Variants in UVSSA observed in about 807,000 individuals in gnomAD.
The protein encoded by UVSSA is UV stimulated scaffold protein A.
In UVSSA, 72 loss-of-function variants were observed where a neutral mutation model predicts 73.9. That is an observed-to-expected ratio of 0.97 (90% CI 0.81 to 1.19). UVSSA has a LOEUF of 1.19. Among genes scored for constraint, UVSSA ranks in the 50% most tolerant of loss-of-function variants. The probability of loss-of-function intolerance (pLI) is 0.00; values close to 1 mark genes in which losing one functional copy is unlikely to be tolerated. For synonymous variants in UVSSA, 454 were observed against 391.3 expected, an observed-to-expected ratio of 1.16 and a Z score of -1.89; for missense variants, 1,150 against 965.0, an observed-to-expected ratio of 1.19 and a Z score of -2.54.
intron 12 of UVSSA, among the ~76,000 whole-genome samples, chr4:1,381,828 G>A (rs560144933): frequency 1.4e-4 from 21 of 152,016 alleles, no homozygotes; most frequent in African/African-American, 4.8e-4. Flanking sequence ...CACCATGCCC[G>A]ACTAATTTTT....
At chr4:1,372,054 C>G (rs1398606505) in intron 8 of UVSSA, among the ~76,000 whole-genome samples, 1 of 152,214 alleles carries the variant, frequency 6.6e-6, no homozygotes, top group African/African-American at 2.4e-5. Flanking sequence ...ATTACACCTT[C>G]AAGCATTCCT....
chr4:1,374,603 G>T (rs1718524762), intron 8 of UVSSA, among the ~76,000 whole-genome samples: 1 of 152,344 alleles, frequency 6.6e-6, no homozygotes, highest in African/African-American at 2.4e-5. Context: ...CCATGGCCTT[G>T]TCTTGCTGGC....
At chr4:1,349,945 C>A (rs1330319085) in intron 3 of UVSSA, 91 bp downstream of exon 3, 4 of 1,224,348 alleles carry the variant, frequency 3.3e-6, no homozygotes, top group Non-Finnish European at 4.4e-6. Context: ...TCCTGTTGAA[C>A]CTAGCACAGC....
exon 14 of UVSSA, chr4:1,394,848 G>GCCCGCCTGCTCACACGTGCCGATGCA (rs1414757120): frequency 2.5e-6 from 4 of 1,596,532 alleles, no homozygotes; most frequent in South Asian, 1.1e-5. Flanking sequence ...GTGCCCATGT[G>GCCCGCCTGCTCACACGTGCCGATGCA]GAGTGCCCGC....
At chr4:1,373,562 G>A (rs912117785) in intron 8 of UVSSA, among the ~76,000 whole-genome samples, 4 of 152,142 alleles carry the variant, frequency 2.6e-5, no homozygotes, top group African/African-American at 9.7e-5. Context: ...ACCGTCTCGG[G>A]CCATGGTGTT....
chr4:1,367,074 A>T (rs1577337939), intron 8 of UVSSA, among the ~76,000 whole-genome samples: 1 of 152,290 alleles, frequency 6.6e-6, no homozygotes, highest in Admixed American at 6.5e-5. Context: ...ACCGCTGGTG[A>T]TGCCACAGCC....
In UVSSA at chr4:1,373,644, A is replaced by G. The variant is rs757222176; in HGVS notation, c.1289-1720A>G. Reference sequence around the variant, plus strand: ...CCTCTGACTCTCAGTGAGCCTTCCAATTCCAGGAAAATGTGGCTCATTGTT... The same window carrying G: ...CCTCTGACTCTCAGTGAGCCTTCCAGTTCCAGGAAAATGTGGCTCATTGTT... On this transcript the variant is annotated intron_variant, in intron 8 of 13. Transcript: ENST00000389851. Among the ~76,000 whole-genome samples the G allele has an allele frequency of 7.2e-5, 11 of 152,036 alleles. No individual in the cohort carries two copies. In the South Asian group the frequency reaches 8.3e-4, roughly 11 times the overall value.
At chr4:1,366,186 C>A in intron 7 of UVSSA, 134 bp from the exon 8 acceptor site, 3 of 700,556 alleles carry the variant, frequency 4.3e-6, no homozygotes, top group South Asian at 3.6e-5. Context: ...GCAGTCCAAC[C>A]GTGGCTGATG....
chr4:1,388,607 T>C (rs1411849172), downstream of UVSSA: 1 of 152,232 alleles, frequency 6.6e-6, no homozygotes. Flanking sequence ...TTTGTGTAGA[T>C]GCTTCTATCA....
At chr4:1,371,399 T>A (rs1718021417) in intron 8 of UVSSA, among the ~76,000 whole-genome samples, 1 of 152,108 alleles carries the variant, frequency 6.6e-6, no homozygotes, top group African/African-American at 2.4e-5. Flanking sequence ...CGGTGCTGAT[T>A]CTTGGGAGGT....
intron 3 of UVSSA, among the ~76,000 whole-genome samples, chr4:1,351,409 A>G (rs1577284273): frequency 1.6e-5 from 2 of 128,258 alleles, no homozygotes; most frequent in South Asian, 2.5e-4. Context: ...TCTTTGAGAC[A>G]GAGTCTCGCT....
exon 14 of UVSSA, chr4:1,394,665 A>C (rs1382036342): frequency 6.3e-7 from 1 of 1,580,648 alleles, no homozygotes; most frequent in Non-Finnish European, 8.6e-7. Flanking sequence ...GCCCATGTGG[A>C]GTGCCCGCCT....
chr4:1,347,963 A>G, intron 1 of UVSSA, 127 bp from the exon 2 acceptor site: 3 of 740,348 alleles, frequency 4.1e-6, no homozygotes, highest in South Asian at 1.7e-5. Context: ...GCACCCACAG[A>G]TGGACCCCAG....
intron 2 of UVSSA, 96 bp from the exon 3 acceptor site, chr4:1,349,428 C>A: frequency 8.3e-7 from 1 of 1,205,894 alleles, no homozygotes; most frequent in Non-Finnish European, 1.2e-6. Flanking sequence ...GTGGTGGTCC[C>A]TGCCACACGT....
chr4:1,384,060 T>A, intron 13 of UVSSA, 120 bp downstream of exon 13: 2 of 1,277,892 alleles, frequency 1.6e-6, no homozygotes, highest in Non-Finnish European at 2.1e-6. Context: ...GCTCCCCTGC[T>A]TTGAGTTCCC....
At chr4:1,383,664 C>G in intron 12 of UVSSA, 102 bp from the exon 13 acceptor site, 1 of 1,455,474 alleles carries the variant, frequency 6.9e-7, no homozygotes, top group South Asian at 1.2e-5. Flanking sequence ...GGCGACCCAG[C>G]CCCCCTGTCA....
intron 10 of UVSSA, among the ~76,000 whole-genome samples, chr4:1,378,159 G>T (rs980958920): frequency 6.6e-6 from 1 of 152,204 alleles, no homozygotes; most frequent in Non-Finnish European, 1.5e-5. Context: ...ATGCGGGTCC[G>T]GGAAGCCAGG....
intron 7 of UVSSA, among the ~76,000 whole-genome samples, chr4:1,362,364 G>T (rs755421853): frequency 2.6e-5 from 4 of 152,234 alleles, no homozygotes; most frequent in Non-Finnish European, 5.9e-5. Flanking sequence ...ATGCCCCGCA[G>T]GGGACTTGGC....
Position 1,348,099 on chromosome 4 carries a change from A to C in UVSSA, c.8A>C (p.Gln3Pro). ...CCTTACTTATTTCTAGATATGGATC[A>C]GAAACTTTCGAAGTTGGTAGAAGAG... MD[Q>P]KLSKLVEELT... Residue 3 changes from glutamine (Q) to proline (P), a missense_variant, in exon 2 of 14, where the codon CAG (glutamine) becomes CCG (proline). Physicochemically the swap from Gln to Pro is moderately conservative, Grantham distance 76. Transcript: ENST00000389851. 1.9e-6 allele frequency: 3 copies of C among 1,613,336 alleles called. No homozygotes were observed. The highest frequency in any genetic ancestry group is 1.3e-5 in the African/African-American group (1 of 75,036).
Sources: allele counts gnomAD v4.1 joint callset (sites outside exome capture counted in the v4.1 genomes callset), GRCh38; gene constraint gnomAD v4.1.1; transcripts MANE v1.5; gene names NCBI Gene and HGNC (gene_info 2026-07-23, HGNC 2026-07-21).